ZSCAN1: variants seen among roughly 807,000 people sequenced by gnomAD.
The protein encoded by ZSCAN1 is zinc finger and SCAN domain containing 1.
A neutral mutation model predicts 23.8 loss-of-function variants in ZSCAN1; 23 were observed. The ratio of observed to expected loss-of-function variants is 0.97; its 90% confidence interval spans 0.70 to 1.37. The LOEUF is 1.37. Ranked by LOEUF, ZSCAN1 falls within the 40% of genes most tolerant of loss-of-function variation. The pLI is 0.00. For synonymous variants in ZSCAN1, 236 were observed against 232.3 expected (o/e 1.02, Z -0.15); for missense variants, 575 against 554.0 (o/e 1.04, Z -0.38).
chr19:58,042,505 G>A (rs1021887105), intron 4 of ZSCAN1, among the ~76,000 whole-genome samples: 4 of 152,056 alleles, frequency 2.6e-5, no homozygotes, highest in Admixed American at 6.6e-5. Context: ...TGATCCACCC[G>A]CCTCGGCCTC....
intron 4 of ZSCAN1, among the ~76,000 whole-genome samples, chr19:58,050,810 C>A (rs112541767): frequency 6.6e-6 from 1 of 152,156 alleles, no homozygotes; most frequent in East Asian, 1.9e-4. Flanking sequence ...TGAGCCACCA[C>A]GCCTGGCCCC....
At chr19:58,046,254 G>A in intron 4 of ZSCAN1, 1 of 777,512 alleles carries the variant, frequency 1.3e-6, no homozygotes, top group Non-Finnish European at 2.4e-6. Flanking sequence ...CACTCACCAG[G>A]AAGAAGGAGG....
Position 58,045,365 on chromosome 19 carries a change from C to T in ZSCAN1, c.465+4821C>T. On this transcript the variant is annotated intron_variant, in intron 4 of 5. Transcript: ENST00000282326. This position sits in a 1 kb window ranked among gnomAD's most constrained non-coding sequence, Gnocchi z 4.3. ...AGCTTCAGGTCAAGCTGGAGCTAGC[C>T]GAGTTCCTCCAGGACACCATCCAGG... 1.2e-6 allele frequency: 1 copy of T among 830,976 alleles called. No homozygotes were observed. The allele number at this position is 830,976 out of a possible 1,614,324, so 51.5% of individuals were successfully genotyped here.
chr19:58,040,638 G>A lies in ZSCAN1; in HGVS notation c.465+94G>A. On this transcript the variant is annotated intron_variant, in intron 4 of 5. Transcript: ENST00000282326. The surrounding 1 kb of genome is among the most constrained non-coding windows in gnomAD (Gnocchi z 5.8). ...CAAGGATGCCCCATCCAAGGACTGT[G>A]TGAGGTTGTCCCCAGCGCTCCCAGG... 1 of 1,287,364 alleles carries A rather than the reference G, an allele frequency of 7.8e-7. No homozygotes were observed. The highest frequency in any genetic ancestry group is 1.1e-6 in the Non-Finnish European group (1 of 900,584). The allele number at this position is 1,287,364 out of a possible 1,614,324, so 79.7% of individuals were successfully genotyped here.
intron 2 of ZSCAN1, 77 bp downstream of exon 2, chr19:58,036,088 C>T (rs1256609007): frequency 6.6e-6 from 1 of 152,290 alleles, no homozygotes; most frequent in African/African-American, 2.4e-5. Context: ...ACTCACGCAT[C>T]ATCCTGCATC....
rs554676480 is a variant in ZSCAN1, at chr19:58,046,693, G to A, written c.466-5797G>A. On this transcript the variant is annotated intron_variant, in intron 4 of 5. Transcript: ENST00000282326. ...CTCCACCAGTCAGGTGGCCGAGATTGTAGCAACACTGGAAAAAGAGGAGAA... is the reference window on the plus strand; with the variant it reads ...CTCCACCAGTCAGGTGGCCGAGATTATAGCAACACTGGAAAAAGAGGAGAA... The A allele has an allele frequency of 8.6e-5, 74 of 862,330 alleles. 1 individual carries two copies. The East Asian group carries it at 1.5e-3, about 17-fold the overall frequency. The allele number at this position is 862,330 out of a possible 1,614,324, so 53.4% of individuals were successfully genotyped here.
chr19:58,038,528 C>A (rs946874440), intron 3 of ZSCAN1: 11 of 554,984 alleles, frequency 2.0e-5, no homozygotes, highest in Admixed American at 6.9e-5. Flanking sequence ...TTCCTCCCAG[C>A]CACCTGCAGC....
chr19:58,037,941 A>G lies in ZSCAN1; in HGVS notation c.105A>G (p.Glu35=). Residue 35 remains glutamate, a synonymous_variant, in exon 3 of 6, where the codon GAA becomes GAG. Coordinates refer to ENST00000282326, the MANE Select transcript of ZSCAN1 (RefSeq NM_182572.4). The part of the protein sequence containing the change: ...DPGPASPRDT[E]AQRLRFRQFQ... ...GGCCAGCAAGCCCCAGGGACACCGAAGCCCAGCGTCTGCGCTTCCGGCAGT... is the reference window on the plus strand; with the variant it reads ...GGCCAGCAAGCCCCAGGGACACCGAGGCCCAGCGTCTGCGCTTCCGGCAGT... 1 of 1,603,696 alleles carries G rather than the reference A, an allele frequency of 6.2e-7. No homozygotes were observed. Among genetic ancestry groups the G allele is most frequent in the Non-Finnish European group, 8.5e-7 (1 of 1,179,490 alleles).
At chr19:58,043,340 A>G (rs946732029) in intron 4 of ZSCAN1, among the ~76,000 whole-genome samples, 1 of 152,266 alleles carries the variant, frequency 6.6e-6, no homozygotes, top group Non-Finnish European at 1.5e-5. Flanking sequence ...ACAGACCTGC[A>G]CAGCACGGGG....
At chr19:58,046,673 C>A in intron 4 of ZSCAN1, 1 of 879,772 alleles carries the variant, frequency 1.1e-6, no homozygotes, top group Non-Finnish European at 2.0e-6. Flanking sequence ...CACGTCTCCA[C>A]CAGTCAGGTG....
Position 58,045,261 on chromosome 19 carries a change from C to T in ZSCAN1, c.465+4717C>T. On this transcript the variant is annotated intron_variant, in intron 4 of 5. Transcript: ENST00000282326. The surrounding 1 kb of genome is among the most constrained non-coding windows in gnomAD (Gnocchi z 4.3). ...GGTGCCGTTCGTGGAGTTTCTGCTG[C>T]CTGTTGCTGTGAAACTCTTCCCCAA... 3 of 794,944 alleles carry T rather than the reference C, an allele frequency of 3.8e-6. No individual in the cohort carries two copies. Among genetic ancestry groups the T allele is most frequent in the Admixed American group, 3.4e-5 (2 of 58,682 alleles). 49.2% of individuals were successfully genotyped at this position (794,944 alleles called of 1,614,324 possible). A position where few individuals can be genotyped will look rare whatever the true frequency, so the allele number is the denominator to read the frequency against.
chr19:58,044,960 A>G, intron 4 of ZSCAN1: 1 of 1,097,742 alleles, frequency 9.1e-7, no homozygotes, highest in East Asian at 2.4e-5. Context: ...AAGTCCCTCA[A>G]GTCCTTGAAG....
At chr19:58,052,731 T>C in intron 5 of ZSCAN1, 103 bp downstream of exon 5, 1 of 1,452,620 alleles carries the variant, frequency 6.9e-7, no homozygotes, top group African/African-American at 1.4e-5. Flanking sequence ...GCTTCGGTGG[T>C]GAACTCCACA....
chr19:58,037,998 C>T lies in ZSCAN1; in HGVS notation c.162C>T (p.Leu54=). ...ACCACGTGGCGAGCGGGCCGCACCTCGCGCTGGGCCAGCTCTGGACGCTGT... is the reference window on the plus strand; with the variant it reads ...ACCACGTGGCGAGCGGGCCGCACCTTGCGCTGGGCCAGCTCTGGACGCTGT... ...FQYHVASGPH[L]ALGQLWTLCR... Residue 54 remains leucine (L), a synonymous_variant, in exon 3 of 6, where the codon CTC becomes CTT. Transcript: ENST00000282326. 2 of 1,608,162 alleles carry T rather than the reference C, an allele frequency of 1.2e-6. No individual in the cohort carries two copies. The highest frequency in any genetic ancestry group is 1.7e-6 in the Non-Finnish European group (2 of 1,178,882).
intron 4 of ZSCAN1, among the ~76,000 whole-genome samples, chr19:58,052,116 T>G (rs1322551981): frequency 6.6e-6 from 1 of 152,262 alleles, no homozygotes; most frequent in Non-Finnish European, 1.5e-5. Flanking sequence ...ACAGGTCCCC[T>G]GGCTCCATCT....
intron 4 of ZSCAN1, among the ~76,000 whole-genome samples, chr19:58,041,013 C>T (rs888919464): frequency 2.0e-5 from 3 of 152,196 alleles, no homozygotes; most frequent in Admixed American, 6.5e-5. Context: ...GGGAGCCAAG[C>T]GGATCTCTGT....
At chr19:58,046,737 G>A (rs1372900904) in intron 4 of ZSCAN1, 24 of 787,218 alleles carry the variant, frequency 3.0e-5, no homozygotes, top group Middle Eastern at 2.3e-4. Flanking sequence ...GAAGGAGAAG[G>A]TGGAGAAGGA....
intron 4 of ZSCAN1, chr19:58,044,575 C>A: frequency 1.4e-6 from 1 of 738,402 alleles, no homozygotes; most frequent in Non-Finnish European, 2.1e-6. Flanking sequence ...GAGCGGCCGC[C>A]ACGCCCGGAC....
At chr19:58,038,523 C>T in intron 3 of ZSCAN1, 1 of 555,814 alleles carries the variant, frequency 1.8e-6, no homozygotes, top group South Asian at 2.4e-5. Context: ...GCCACTTCCT[C>T]CCAGCCACCT....
Sources: allele counts gnomAD v4.1 joint callset (sites outside exome capture counted in the v4.1 genomes callset), GRCh38; gene constraint gnomAD v4.1.1; non-coding constraint Gnocchi (gnomAD v3.1); transcripts MANE v1.5; gene names NCBI Gene and HGNC (gene_info 2026-07-23, HGNC 2026-07-21).